Variants in CDH7 observed in about 807,000 individuals in gnomAD.
CDH7 encodes the protein cadherin-7.
CDH7 carries 25 observed loss-of-function variants against 71.8 expected under a neutral mutation model. That is an observed-to-expected ratio of 0.35 (90% CI 0.25 to 0.49). CDH7 has a LOEUF of 0.49. Among genes scored for constraint, CDH7 ranks in the 20% least tolerant of loss-of-function variants. The pLI, the probability that CDH7 is intolerant of heterozygous loss-of-function variation, is 0.99. For missense variants in CDH7, 862 were observed against 974.6 expected (o/e 0.88, Z 1.54); for synonymous variants, 381 against 363.8 (o/e 1.05, Z -0.54).
chr18:65,856,936 G>A (rs1270794956), intron 7 of CDH7, among the ~76,000 whole-genome samples: 4 of 151,464 alleles, frequency 2.6e-5, no homozygotes, highest in African/African-American at 9.7e-5. Flanking sequence ...GCTTTTACAT[G>A]CAAAAATAGC....
intron 2 of CDH7, among the ~76,000 whole-genome samples, chr18:65,772,486 G>A (rs1255784751): frequency 6.6e-6 from 1 of 152,148 alleles, no homozygotes; most frequent in African/African-American, 2.4e-5. Flanking sequence ...ATCTGGAGAA[G>A]CAGATACTGG....
intron 2 of CDH7, among the ~76,000 whole-genome samples, chr18:65,800,302 A>G (rs1397815643): frequency 6.6e-6 from 1 of 152,070 alleles, no homozygotes; most frequent in Non-Finnish European, 1.5e-5. Context: ...GATGGTCTCG[A>G]TCTCCTGACC....
intron 11 of CDH7, chr18:65,865,146 A>C (rs186383950): frequency 6.6e-6 from 1 of 152,310 alleles, no homozygotes; most frequent in Admixed American, 6.5e-5. Flanking sequence ...TCACTTTAGT[A>C]AACACTTTCA....
chr18:65,774,270 A>T lies in CDH7; in HGVS notation c.210+11218A>T, dbSNP rs530054386. Among the ~76,000 whole-genome samples the T allele has an allele frequency of 2.0e-5, 3 of 152,176 alleles. No homozygotes were observed. In the South Asian group the frequency reaches 6.2e-4, roughly 32 times the overall value. On this transcript the variant is annotated intron_variant, in intron 2 of 11. Coordinates refer to ENST00000397968, the MANE Select transcript of CDH7 (RefSeq NM_004361.5). ...AAAAATAGGATTTGAGACTCAATAT[A>T]TATGATTAGAAATAACTAGTGAATA...
At chr18:65,760,451 G>A (rs749875227) in intron 1 of CDH7, among the ~76,000 whole-genome samples, 10 of 152,202 alleles carry the variant, frequency 6.6e-5, no homozygotes. Context: ...GAAGTTGGAT[G>A]TATTGTCACT....
chr18:65,841,288 G>A (rs1000446336), intron 6 of CDH7, among the ~76,000 whole-genome samples: 1 of 151,990 alleles, frequency 6.6e-6, no homozygotes, highest in African/African-American at 2.4e-5. Flanking sequence ...AAAACAAGTT[G>A]CTGTAAAAAA....
At chr18:65,878,989 T>C (rs1306224017) in intron 11 of CDH7, among the ~76,000 whole-genome samples, 2 of 152,180 alleles carry the variant, frequency 1.3e-5, no homozygotes, top group Non-Finnish European at 2.9e-5. Flanking sequence ...CAATACAGTT[T>C]TTCATCAGTC....
At chr18:65,813,970 C>T (rs1911634238) in intron 3 of CDH7, among the ~76,000 whole-genome samples, 1 of 152,146 alleles carries the variant, frequency 6.6e-6, no homozygotes, top group Admixed American at 6.5e-5. Context: ...GATAGGGTAG[C>T]CACCTAATAT....
At chr18:65,756,249 C>T (rs1162814115) in intron 1 of CDH7, among the ~76,000 whole-genome samples, 1 of 152,164 alleles carries the variant, frequency 6.6e-6, no homozygotes, top group African/African-American at 2.4e-5. Context: ...ATTATTCCAA[C>T]TGTGATGTCT....
At chr18:65,778,861 A>G (rs370510711) in intron 2 of CDH7, among the ~76,000 whole-genome samples, 3 of 152,096 alleles carry the variant, frequency 2.0e-5, no homozygotes, top group East Asian at 3.9e-4. Flanking sequence ...GGTTCAACTA[A>G]TGGTTTTTAT....
chr18:65,787,348 G>A (rs1376452826), intron 2 of CDH7, among the ~76,000 whole-genome samples: 2 of 152,134 alleles, frequency 1.3e-5, no homozygotes, highest in Non-Finnish European at 1.5e-5. Context: ...TGCTGCCATA[G>A]TTGGTGCTGC....
At chr18:65,759,411 A>G (rs958003630) in intron 1 of CDH7, among the ~76,000 whole-genome samples, 1 of 141,350 alleles carries the variant, frequency 7.1e-6, no homozygotes, top group African/African-American at 2.6e-5. Context: ...TGCCCGGCTA[A>G]TTTTTTTTTT....
Position 65,762,675 on chromosome 18 carries a change from G to T in CDH7, c.-168G>T, listed in dbSNP as rs910482095. Reference sequence around the variant, plus strand: ...CTTACTACACCATTCTTTGGCGAAGGCTATTCAGCAGTGGTGACCTCTTCC... The same window carrying T: ...CTTACTACACCATTCTTTGGCGAAGTCTATTCAGCAGTGGTGACCTCTTCC... On this transcript the variant is annotated 5_prime_UTR_variant, in exon 2 of 12. Transcript: ENST00000397968. 29 of 590,988 alleles carry T rather than the reference G, an allele frequency of 4.9e-5. No homozygotes were observed. The highest frequency in any genetic ancestry group is 4.9e-4 in the African/African-American group (26 of 53,588). 36.6% of individuals were successfully genotyped at this position (590,988 alleles called of 1,614,324 possible).
chr18:65,852,082 G>C (rs1293248534), intron 7 of CDH7, among the ~76,000 whole-genome samples: 15 of 152,158 alleles, frequency 9.9e-5, no homozygotes, highest in Admixed American at 9.8e-4. Flanking sequence ...AATTGGAGAT[G>C]TGTGTGGTAT....
chr18:65,843,126 A>G lies in CDH7; in HGVS notation c.982-686A>G, dbSNP rs79901722. On this transcript the variant is annotated intron_variant, in intron 6 of 11. Coordinates refer to ENST00000397968, the MANE Select transcript of CDH7 (RefSeq NM_004361.5). The stretch of plus-strand genomic sequence containing the variant: ...AGCTCTCATGCGGTTTGAGTTGGTC[A>G]CTAATTTTTGGGAAAATTGTAGCAT... 6.2e-3 allele frequency among the ~76,000 whole-genome samples: 948 copies of G among 152,302 alleles called. 4 individuals carry two copies. The highest frequency in any genetic ancestry group is 0.023 in the South Asian group (111 of 4,832).
intron 2 of CDH7, among the ~76,000 whole-genome samples, chr18:65,787,034 T>A (rs895374579): frequency 6.6e-6 from 1 of 152,062 alleles, no homozygotes; most frequent in African/African-American, 2.4e-5. Flanking sequence ...TTTTTTTCCC[T>A]GACACAAGAC....
At chr18:65,807,528 G>A (rs1299470787) in intron 2 of CDH7, among the ~76,000 whole-genome samples, 4 of 152,146 alleles carry the variant, frequency 2.6e-5, no homozygotes, top group African/African-American at 9.7e-5. Context: ...TGGTCTTCTG[G>A]ATGTTCTTCT....
intron 9 of CDH7, among the ~76,000 whole-genome samples, chr18:65,859,454 G>C (rs751578081): frequency 1.3e-5 from 2 of 152,170 alleles, no homozygotes; most frequent in African/African-American, 4.8e-5. Flanking sequence ...TGTTTCCTGG[G>C]ATGTCTAATC....
rs539028787 is a variant in CDH7, at chr18:65,871,581, A to G, written c.1864+8664A>G. ...GATGGAGAGTTGAAGCAAAGAGGAA[A>G]TGAAGAAGGTGGAGTCACAGATGAC... On this transcript the variant is annotated intron_variant, in intron 11 of 11. Coordinates refer to ENST00000397968, the MANE Select transcript of CDH7 (RefSeq NM_004361.5). 4.9e-4 allele frequency among the ~76,000 whole-genome samples: 75 copies of G among 152,106 alleles called. 3 individuals carry two copies. The highest frequency in any genetic ancestry group is 2.6e-4 in the Admixed American group (4 of 15,266).
Sources: gnomAD v4.1 joint callset for allele counts (sites outside exome capture counted in the v4.1 genomes callset) on GRCh38, gnomAD v4.1.1 for gene constraint, MANE v1.5 for transcripts, NCBI Gene and HGNC (gene_info 2026-07-23, HGNC 2026-07-21) for gene names.